The following ZNF385D variants were observed in gnomAD, a reference collection of about 807,000 sequenced individuals.
The protein encoded by ZNF385D is zinc finger protein 659.
In ZNF385D, 15 loss-of-function variants were observed where a neutral mutation model predicts 35.8. The observed-to-expected ratio is 0.42, with a 90% CI of 0.28 to 0.64. ZNF385D has a LOEUF of 0.64. Among genes scored for constraint, ZNF385D ranks in the 30% least tolerant of loss-of-function variants. ZNF385D has a pLI of 0.23. For synonymous variants in ZNF385D, 212 were observed against 186.8 expected (o/e 1.13, Z -1.10); for missense variants, 474 against 494.6 (o/e 0.96, Z 0.39).
chr3:22,187,195 A>T (rs1251665221), intron 2 of ZNF385D, among the ~76,000 whole-genome samples: 1 of 152,210 alleles, frequency 6.6e-6, no homozygotes, highest in Admixed American at 6.6e-5. Context: ...TTTGTTCAGT[A>T]CCTTTTTCTA....
chr3:22,187,235 G>A (rs1695697206), intron 2 of ZNF385D, among the ~76,000 whole-genome samples: 1 of 152,076 alleles, frequency 6.6e-6, no homozygotes, highest in Admixed American at 6.6e-5. Context: ...ATCTTGTACT[G>A]TGGAAGTACA....
intron 3 of ZNF385D, among the ~76,000 whole-genome samples, chr3:21,907,437 A>G (rs1321321885): frequency 2.6e-5 from 4 of 152,112 alleles, no homozygotes; most frequent in Non-Finnish European, 5.9e-5. Context: ...GTTTTCTCAC[A>G]TTATTTTAAT....
upstream of ZNF385D, among the ~76,000 whole-genome samples, chr3:21,751,899 A>T (rs2125559212): frequency 1.3e-5 from 2 of 152,032 alleles, 1 homozygote; most frequent in Middle Eastern, 6.8e-3. Context: ...GGCTGAAATG[A>T]TCTTTGACCT....
intron 3 of ZNF385D, among the ~76,000 whole-genome samples, chr3:21,884,475 G>A (rs1249051335): frequency 6.6e-6 from 1 of 151,978 alleles, no homozygotes; most frequent in Non-Finnish European, 1.5e-5. Flanking sequence ...TTGGCTAGTG[G>A]TATGTTAGAG....
chr3:22,021,017 T>C (rs1358577356), intron 3 of ZNF385D, among the ~76,000 whole-genome samples: 1 of 151,812 alleles, frequency 6.6e-6, no homozygotes, highest in Non-Finnish European at 1.5e-5. Context: ...GTGAAATAAG[T>C]CAGACAAATA....
At chr3:21,704,381 A>C (rs957832759) in intron 1 of ZNF385D, among the ~76,000 whole-genome samples, 1 of 152,086 alleles carries the variant, frequency 6.6e-6, no homozygotes, top group Non-Finnish European at 1.5e-5. Flanking sequence ...AGTCCCGAGC[A>C]CACATTCCTG....
intron 3 of ZNF385D, among the ~76,000 whole-genome samples, chr3:22,035,738 G>A (rs541930446): frequency 7.2e-5 from 11 of 152,146 alleles, no homozygotes; most frequent in Non-Finnish European, 1.2e-4. Context: ...GTTTCTGAAA[G>A]AAATAAGGGG....
intron 3 of ZNF385D, among the ~76,000 whole-genome samples, chr3:22,000,278 C>A (rs1695752464): frequency 6.7e-6 from 1 of 148,310 alleles, no homozygotes; most frequent in Non-Finnish European, 1.5e-5. Flanking sequence ...GCACTCCAGC[C>A]TGGGTGACAG....
At chr3:21,627,927 TTTG>T (rs1415391236) in intron 2 of ZNF385D, among the ~76,000 whole-genome samples, 3 of 152,140 alleles carry the variant, frequency 2.0e-5, no homozygotes, top group Non-Finnish European at 4.4e-5. Context: ...TATCTTAAAT[TTTG>T]TTGTGCTGAC....
chr3:21,816,434 T>C (rs572290140), intron 3 of ZNF385D, among the ~76,000 whole-genome samples: 13 of 152,286 alleles, frequency 8.5e-5, no homozygotes, highest in South Asian at 4.1e-4. Context: ...GAAAACCCCA[T>C]TGTCTCAGCC....
chr3:21,853,912 A>AAATGAGAAGAGTGAT (rs1443038884), intron 3 of ZNF385D, among the ~76,000 whole-genome samples: 81 of 152,076 alleles, frequency 5.3e-4, no homozygotes, highest in Middle Eastern at 6.8e-3. Context: ...ATAATAATAG[A>AAATGAGAAGAGTGAT]AATGAGAAGA....
intron 1 of ZNF385D, among the ~76,000 whole-genome samples, chr3:21,710,107 A>G (rs765205631): frequency 3.3e-5 from 5 of 152,158 alleles, no homozygotes; most frequent in Non-Finnish European, 5.9e-5. Context: ...ACAGAAACAG[A>G]TATCAGACAA....
intron 3 of ZNF385D, among the ~76,000 whole-genome samples, chr3:21,870,209 T>G (rs1273419761): frequency 6.6e-6 from 1 of 152,206 alleles, no homozygotes; most frequent in Non-Finnish European, 1.5e-5. Flanking sequence ...ATCATAATTG[T>G]CAACAAGCAT....
At chr3:21,728,999 A>G (rs1314826882) in intron 1 of ZNF385D, among the ~76,000 whole-genome samples, 1 of 152,216 alleles carries the variant, frequency 6.6e-6, no homozygotes, top group Non-Finnish European at 1.5e-5. Flanking sequence ...TTCAGCACAT[A>G]TGCAAGGAAC....
rs554223209 is a variant in ZNF385D at position 21,462,808 on chromosome 3, C to T, written c.440-25605G>A. On this transcript the variant is annotated intron_variant, in intron 4 of 7. Coordinates refer to ENST00000281523, the MANE Select transcript of ZNF385D (RefSeq NM_024697.3). ...ACCAGCCTGGCCAACATGGTGAAAC[C>T]CCGTCTCTACTAAATATATAAAAAT... 3.3e-5 allele frequency among the ~76,000 whole-genome samples: 5 copies of T among 152,108 alleles called. No homozygotes were observed. In the East Asian group the frequency reaches 9.7e-4, roughly 29 times the overall value.
chr3:21,436,492 T>C, intron 5 of ZNF385D, among the ~76,000 whole-genome samples: 1 of 152,174 alleles, frequency 6.6e-6, no homozygotes, highest in East Asian at 1.9e-4. Flanking sequence ...AATAAACACT[T>C]TTTTAATTGT....
intron 2 of ZNF385D, 126 bp downstream of exon 2, chr3:21,664,760 G>T (rs973590700): frequency 7.7e-7 from 1 of 1,291,566 alleles, no homozygotes. Context: ...CTTCATTATG[G>T]CTTCTAGACA....
At chr3:22,252,078 G>A (rs377101623) in intron 2 of ZNF385D, among the ~76,000 whole-genome samples, 1 of 152,090 alleles carries the variant, frequency 6.6e-6, no homozygotes, top group South Asian at 2.1e-4. Flanking sequence ...TCAGGGAAGG[G>A]AGAGAGGGAG....
At chr3:22,293,775 T>C (rs1325395744) in intron 2 of ZNF385D, among the ~76,000 whole-genome samples, 1 of 152,072 alleles carries the variant, frequency 6.6e-6, no homozygotes, top group Non-Finnish European at 1.5e-5. Context: ...TAGCTTTCAA[T>C]AAAATGAAAA....
Sources: gnomAD v4.1 joint callset for allele counts (sites outside exome capture counted in the v4.1 genomes callset) on GRCh38, gnomAD v4.1.1 for gene constraint, MANE v1.5 for transcripts, NCBI Gene and HGNC (gene_info 2026-07-23, HGNC 2026-07-21) for gene names.